Variants in CLVS1 observed in about 807,000 individuals in gnomAD.
CLVS1 encodes the protein clavesin-1.
In CLVS1, 10 loss-of-function variants were observed where a neutral mutation model predicts 33.1. That is an observed-to-expected ratio of 0.30 (90% CI 0.19 to 0.51). The LOEUF is 0.51. Ranked by LOEUF, CLVS1 falls within the 20% of genes least tolerant of loss-of-function variation. The pLI, the probability that CLVS1 is intolerant of heterozygous loss-of-function variation, is 0.97. For missense variants in CLVS1, 343 were observed against 433.4 expected, an observed-to-expected ratio of 0.79 and a Z score of 1.85; for synonymous variants, 163 against 166.1, an observed-to-expected ratio of 0.98 and a Z score of 0.14.
intron 2 of CLVS1, among the ~76,000 whole-genome samples, chr8:61,330,420 A>T (rs1811550531): frequency 6.6e-6 from 1 of 152,150 alleles, no homozygotes; most frequent in African/African-American, 2.4e-5. Flanking sequence ...CTAATGGGGG[A>T]CGTTAGAAAA....
chr8:60,991,405 T>C, the CLVS1 span, among the ~76,000 whole-genome samples: 1 of 152,272 alleles, frequency 6.6e-6, no homozygotes, highest in African/African-American at 2.4e-5. Context: ...GAATAGCTTT[T>C]ATACTTTCTG....
At chr8:61,065,725 T>C (rs774975091) in intron 1 of CLVS1, among the ~76,000 whole-genome samples, 1 of 152,190 alleles carries the variant, frequency 6.6e-6, no homozygotes, top group Non-Finnish European at 1.5e-5. Flanking sequence ...TAAGTAAGGG[T>C]ATAATATATG....
intron 3 of CLVS1, among the ~76,000 whole-genome samples, chr8:61,396,565 T>G (rs1814535678): frequency 6.6e-6 from 1 of 152,200 alleles, no homozygotes; most frequent in African/African-American, 2.4e-5. Context: ...AAGACACTGA[T>G]GTAAAGTGCA....
chr8:61,125,455 C>T lies in CLVS1; in HGVS notation c.-242-6315C>T, dbSNP rs200712934. On this transcript the variant is annotated intron_variant, in intron 1 of 2. Transcript: ENST00000522621. ...ACTAAAAAAAGACATAAGTTCAGTT[C>T]CTCATTTTGGTCTTTCTCTTCCAGA... Among the ~76,000 whole-genome samples the T allele has an allele frequency of 1.2e-4, 18 of 152,258 alleles. No individual in the cohort carries two copies. In the East Asian group the frequency reaches 3.5e-3, roughly 29 times the overall value.
At chr8:61,033,119 GAAGA>G in the CLVS1 span, among the ~76,000 whole-genome samples, 22 of 49,440 alleles carry the variant, frequency 4.4e-4, no homozygotes, top group South Asian at 7.2e-4. Context: ...AAGAAGGAAG[GAAGA>G]AAGGAAAGAA....
intron 2 of CLVS1, among the ~76,000 whole-genome samples, chr8:61,316,788 A>C (rs1005727414): frequency 6.6e-6 from 1 of 152,212 alleles, no homozygotes; most frequent in African/African-American, 2.4e-5. Context: ...GCCTGTGGCT[A>C]GATTATCTGG....
chr8:61,349,325 G>T (rs557800553), intron 2 of CLVS1, among the ~76,000 whole-genome samples: 1 of 151,986 alleles, frequency 6.6e-6, no homozygotes, highest in Non-Finnish European at 1.5e-5. Flanking sequence ...CCTATAATTT[G>T]TAGTTGTCAA....
At chr8:61,376,571 T>G (rs1363882347) in intron 2 of CLVS1, 34 bp from the exon 3 acceptor site, 1 of 1,600,128 alleles carries the variant, frequency 6.2e-7, no homozygotes, top group Non-Finnish European at 8.5e-7. Context: ...CTGCTCATAT[T>G]CACACACAGC....
the CLVS1 span, among the ~76,000 whole-genome samples, chr8:60,982,399 T>C: frequency 2.0e-3 from 311 of 152,322 alleles, 1 homozygote; most frequent in Non-Finnish European, 2.5e-3. Context: ...TAGAAAATGA[T>C]TTTGGAATCA....
At chr8:61,169,760 T>C (rs931572808) in intron 2 of CLVS1, among the ~76,000 whole-genome samples, 3 of 151,484 alleles carry the variant, frequency 2.0e-5, no homozygotes, top group Non-Finnish European at 4.4e-5. Context: ...CTCAACCATC[T>C]GGGCTTTCTG....
At chr8:61,127,273 G>C (rs1236783700) in intron 1 of CLVS1, among the ~76,000 whole-genome samples, 1 of 150,608 alleles carries the variant, frequency 6.6e-6, no homozygotes, top group Non-Finnish European at 1.5e-5. Context: ...GGAGTGAAAT[G>C]ATGTGATCTC....
chr8:61,466,400 T>C (rs1301413646), intron 5 of CLVS1, among the ~76,000 whole-genome samples: 1 of 152,052 alleles, frequency 6.6e-6, no homozygotes, highest in East Asian at 1.9e-4. Context: ...AATGCCTAAA[T>C]GAAAGGAGTT....
At chr8:60,987,704 A>C in the CLVS1 span, among the ~76,000 whole-genome samples, 1 of 152,210 alleles carries the variant, frequency 6.6e-6, no homozygotes, top group Admixed American at 6.5e-5. Context: ...AGTTCCTGAC[A>C]CTTCATTCAT....
chr8:61,008,568 G>A, the CLVS1 span, among the ~76,000 whole-genome samples: 1 of 151,654 alleles, frequency 6.6e-6, no homozygotes, highest in South Asian at 2.1e-4. Flanking sequence ...ATGGGTTCAA[G>A]TGACTCTCCT....
the CLVS1 span, among the ~76,000 whole-genome samples, chr8:61,006,810 T>G: frequency 6.6e-6 from 1 of 152,246 alleles, no homozygotes; most frequent in African/African-American, 2.4e-5. Context: ...CCTTCTGTAG[T>G]GCTGCTAACT....
intron 1 of CLVS1, among the ~76,000 whole-genome samples, chr8:61,297,723 C>T (rs1256885621): frequency 6.6e-6 from 1 of 152,052 alleles, no homozygotes; most frequent in East Asian, 1.9e-4. Flanking sequence ...TTAGAGAACA[C>T]TAGCATTGAA....
At chr8:61,412,669 G>A (rs1815276420) in intron 3 of CLVS1, among the ~76,000 whole-genome samples, 1 of 152,200 alleles carries the variant, frequency 6.6e-6, no homozygotes, top group Admixed American at 6.5e-5. Flanking sequence ...ACCTCCACTG[G>A]TAATGTAACA....
chr8:61,034,038 C>T, the CLVS1 span, among the ~76,000 whole-genome samples: 1 of 152,184 alleles, frequency 6.6e-6, no homozygotes, highest in South Asian at 2.1e-4. Context: ...GAGGCCAGGA[C>T]CAGATCCATC....
At chr8:61,144,070 C>G (rs1024563449) in intron 2 of CLVS1, among the ~76,000 whole-genome samples, 4 of 148,182 alleles carry the variant, frequency 2.7e-5, no homozygotes, top group African/African-American at 7.4e-5. Context: ...TATATATATA[C>G]TTTAAGTTCT....
Sources: allele counts gnomAD v4.1 joint callset (sites outside exome capture counted in the v4.1 genomes callset), GRCh38; gene constraint gnomAD v4.1.1; transcripts MANE v1.5; gene names NCBI Gene and HGNC (gene_info 2026-07-23, HGNC 2026-07-21).